RBFOX3: variants seen among roughly 807,000 people sequenced by gnomAD.
The protein encoded by RBFOX3 is RNA binding fox-1 homolog 3.
RBFOX3 carries 17 observed loss-of-function variants against 48.7 expected under a neutral mutation model. That is an observed-to-expected ratio of 0.35 (90% CI 0.24 to 0.52). RBFOX3 has a LOEUF of 0.52. Among genes scored for constraint, RBFOX3 ranks in the 20% least tolerant of loss-of-function variants. The probability of loss-of-function intolerance (pLI) is 0.94; values close to 1 mark genes in which losing one functional copy is unlikely to be tolerated. For synonymous variants in RBFOX3, 212 were observed against 209.5 expected, an observed-to-expected ratio of 1.01 and a Z score of -0.10; for missense variants, 382 against 497.5, an observed-to-expected ratio of 0.77 and a Z score of 2.21.
At chr17:79,516,444 T>G (rs2085262466) in intron 1 of RBFOX3, among the ~76,000 whole-genome samples, 1 of 152,202 alleles carries the variant, frequency 6.6e-6, no homozygotes, top group Non-Finnish European at 1.5e-5. Context: ...TCACCCCATG[T>G]AGGATTAAAT....
At chr17:79,349,237 C>A (rs925503733) in intron 2 of RBFOX3, among the ~76,000 whole-genome samples, 23 of 152,206 alleles carry the variant, frequency 1.5e-4, no homozygotes, top group African/African-American at 5.5e-4. Flanking sequence ...CCTGCACGTG[C>A]CTTCCACTGA....
intron 1 of RBFOX3, among the ~76,000 whole-genome samples, chr17:79,504,066 G>A (rs2082747408): frequency 6.6e-6 from 1 of 151,816 alleles, no homozygotes; most frequent in African/African-American, 2.4e-5. Flanking sequence ...TGCTCACCTC[G>A]AGCTCCTGAG....
chr17:79,455,842 C>T (rs1177989900), intron 2 of RBFOX3, among the ~76,000 whole-genome samples: 1 of 152,204 alleles, frequency 6.6e-6, no homozygotes, highest in African/African-American at 2.4e-5. Context: ...GCAGCGGCAC[C>T]TCCAGCCTGG....
At chr17:79,347,503 A>G (rs1411449786) in intron 2 of RBFOX3, among the ~76,000 whole-genome samples, 3 of 152,012 alleles carry the variant, frequency 2.0e-5, no homozygotes, top group African/African-American at 4.8e-5. Flanking sequence ...TAACATTAGC[A>G]CCTTAACTTC....
intron 1 of RBFOX3, among the ~76,000 whole-genome samples, chr17:79,530,968 C>A (rs1030929008): frequency 3.3e-5 from 5 of 152,216 alleles, no homozygotes; most frequent in African/African-American, 9.6e-5. Flanking sequence ...AGGAAGGCCG[C>A]CGTGGATGGA....
chr17:79,255,226 T>C (rs1447356428), intron 3 of RBFOX3, among the ~76,000 whole-genome samples: 2 of 130,638 alleles, frequency 1.5e-5, no homozygotes, highest in Admixed American at 7.3e-5. Flanking sequence ...TGTGTGCGTG[T>C]GTGTGTGTGT....
intron 2 of RBFOX3, among the ~76,000 whole-genome samples, chr17:79,438,402 C>T (rs8073024): frequency 0.15 from 22,223 of 152,304 alleles, 1,948 homozygotes; most frequent in Non-Finnish European, 0.18. Context: ...GTAAGCTACT[C>T]TTTTCCCTCC....
intron 4 of RBFOX3, among the ~76,000 whole-genome samples, chr17:79,221,677 CCT>C (rs915291782): frequency 3.9e-5 from 6 of 152,188 alleles, no homozygotes; most frequent in African/African-American, 1.4e-4. Context: ...GTCTTCCCAC[CCT>C]GTCACTCCTT....
At chr17:79,635,052 T>A in the RBFOX3 span, among the ~76,000 whole-genome samples, 1 of 78,686 alleles carries the variant, frequency 1.3e-5, no homozygotes, top group African/African-American at 5.6e-5. Flanking sequence ...AAAGCGAGAC[T>A]CCATCTCAAA....
the RBFOX3 span, among the ~76,000 whole-genome samples, chr17:79,620,386 CACACATGCCCACAT>C: frequency 6.6e-6 from 1 of 151,148 alleles, no homozygotes; most frequent in Non-Finnish European, 1.5e-5. Flanking sequence ...CACACACATG[CACACATGCCCACAT>C]GCACACACAC....
intron 3 of RBFOX3, among the ~76,000 whole-genome samples, chr17:79,302,604 C>A (rs1273085124): frequency 6.6e-6 from 1 of 152,088 alleles, no homozygotes; most frequent in African/African-American, 2.4e-5. Flanking sequence ...TCAGTTGAAC[C>A]TGGGATTGCG....
chr17:79,554,060 T>C (rs1054483119), intron 1 of RBFOX3, among the ~76,000 whole-genome samples: 51 of 152,240 alleles, frequency 3.3e-4, no homozygotes, highest in Non-Finnish European at 6.3e-4. Flanking sequence ...ACCTTGACTA[T>C]GTTTGTTAGT....
intron 4 of RBFOX3, among the ~76,000 whole-genome samples, chr17:79,231,832 GC>G (rs1376695046): frequency 6.6e-6 from 1 of 152,088 alleles, no homozygotes; most frequent in Non-Finnish European, 1.5e-5. Flanking sequence ...GAGTCAGAAG[GC>G]CCAGTATTGT....
At chr17:79,185,139 G>C (rs1180230976) in intron 4 of RBFOX3, among the ~76,000 whole-genome samples, 1 of 152,232 alleles carries the variant, frequency 6.6e-6, no homozygotes, top group Non-Finnish European at 1.5e-5. Context: ...GAGTCCGGGA[G>C]GGAGGCAGAC....
chr17:79,595,793 A>G (rs2093554822), intron 1 of RBFOX3, among the ~76,000 whole-genome samples: 1 of 152,242 alleles, frequency 6.6e-6, no homozygotes, highest in Non-Finnish European at 1.5e-5. Context: ...GATTCTGCAA[A>G]ACATAATTGT....
intron 1 of RBFOX3, among the ~76,000 whole-genome samples, chr17:79,484,135 C>A (rs1454200652): frequency 2.0e-5 from 3 of 152,180 alleles, no homozygotes; most frequent in South Asian, 2.1e-4. Context: ...CTGAATCCCC[C>A]CCACCACTGG....
chr17:79,137,909 GCTGATTGCGC>G (rs1206087069), intron 4 of RBFOX3, among the ~76,000 whole-genome samples: 1 of 152,200 alleles, frequency 6.6e-6, no homozygotes, highest in Non-Finnish European at 1.5e-5. Context: ...GCTGCACTTT[GCTGATTGCGC>G]CTGTCAACTC....
intron 1 of RBFOX3, among the ~76,000 whole-genome samples, chr17:79,586,564 C>T (rs1475130826): frequency 1.3e-5 from 2 of 152,240 alleles, no homozygotes; most frequent in Admixed American, 6.5e-5. Context: ...TCAACTTCAT[C>T]CCGCTTCCCA....
At chr17:79,145,596 G>T (rs1363281171) in intron 4 of RBFOX3, among the ~76,000 whole-genome samples, 2 of 152,212 alleles carry the variant, frequency 1.3e-5, no homozygotes, top group Non-Finnish European at 2.9e-5. Context: ...CCTTCCTTCT[G>T]GGGGCGCAGA....
Sources: gnomAD v4.1 joint callset for allele counts (sites outside exome capture counted in the v4.1 genomes callset) on GRCh38, gnomAD v4.1.1 for gene constraint, MANE v1.5 for transcripts, NCBI Gene and HGNC (gene_info 2026-07-23, HGNC 2026-07-21) for gene names.